The following PCSK7 variants were observed in gnomAD, a reference collection of about 807,000 sequenced individuals.
PCSK7 encodes the protein proprotein convertase subtilisin/kexin type 7.
In PCSK7, 38 loss-of-function variants were observed where a neutral mutation model predicts 73.3. The observed-to-expected ratio is 0.52, with a 90% confidence interval of 0.40 to 0.68. PCSK7 has a LOEUF of 0.68. Among genes scored for constraint, PCSK7 ranks in the 30% least tolerant of loss-of-function variants. The probability of loss-of-function intolerance (pLI) is 0.00; values close to 1 mark genes in which losing one functional copy is unlikely to be tolerated. For synonymous variants in PCSK7, 296 were observed against 383.8 expected, an observed-to-expected ratio of 0.77 and a Z score of 2.68; for missense variants, 692 against 991.5, an observed-to-expected ratio of 0.70 and a Z score of 4.06.
chr11:117,219,201 GC>G, intron 10 of PCSK7, 37 bp from the exon 11 acceptor site: 3 of 1,420,182 alleles, frequency 2.1e-6, no homozygotes, highest in Non-Finnish European at 2.9e-6. Context: ...CTCTTGCATT[GC>G]CAGTGTAGTC....
chr11:117,221,036 G>C (rs540170017), intron 9 of PCSK7: 2 of 152,228 alleles, frequency 1.3e-5, no homozygotes, highest in African/African-American at 2.4e-5. Context: ...TAGCTGAGGC[G>C]GGCCCTGCCT....
rs1374479236 is a variant in PCSK7, at chr11:117,229,425, C to T, written c.420G>A (p.Lys140=). ...TGGGGTCGTTGAAGTGGACGCTGCG[C>T]TTGGCCCGCCTTAGCAGCCTCTGCT... is the stretch of plus-strand genomic sequence containing the variant. ...HSEQRLLRRA[K]RSVHFNDPKY... Residue 140 remains lysine (K), a synonymous_variant, in exon 3 of 17, where the codon AAG becomes AAA. Coordinates refer to ENST00000320934, the MANE Select transcript of PCSK7 (RefSeq NM_004716.4). The T allele has an allele frequency of 2.9e-5, 47 of 1,609,516 alleles. No homozygotes were observed. Among genetic ancestry groups the T allele is most frequent in the Non-Finnish European group, 3.9e-5 (46 of 1,180,010 alleles).
rs2032090839 is a variant in PCSK7, at chr11:117,218,930, G to A, written c.1431+127C>T. The A allele has an allele frequency of 1.6e-6, 1 of 617,064 alleles. No homozygotes were observed. Among genetic ancestry groups the A allele is most frequent in the Non-Finnish European group, 2.8e-6 (1 of 353,060 alleles). The allele number at this position is 617,064 out of a possible 1,614,324, so 38.2% of individuals were successfully genotyped here. A position where few individuals can be genotyped will look rare whatever the true frequency, so the allele number is the denominator to read the frequency against. On this transcript the variant is annotated intron_variant, in intron 11 of 16. Transcript: ENST00000320934. The surrounding 1 kb of genome is among the most constrained non-coding windows in gnomAD (Gnocchi z 4.0). ...GATATCAGCTGGGATGAAGGTTGAA[G>A]TTGTTAAATCAATGAACTGAATGAA...
intron 7 of PCSK7, 126 bp downstream of exon 7, chr11:117,224,575 G>T: frequency 1.2e-6 from 1 of 824,392 alleles, no homozygotes; most frequent in Non-Finnish European, 2.1e-6. Context: ...GACGTTAGGT[G>T]TTCTCTTCCT....
intron 6 of PCSK7, 54 bp downstream of exon 6, chr11:117,225,877 G>C: frequency 1.7e-6 from 2 of 1,177,298 alleles, no homozygotes; most frequent in Non-Finnish European, 2.6e-6. Context: ...TTTGTTGGCG[G>C]ATTTGTCCCA....
At chr11:117,221,335 C>T (rs78628783) in intron 9 of PCSK7, 8,439 of 152,264 alleles carry the variant, frequency 0.055, 271 homozygotes, top group Middle Eastern at 0.1. Context: ...TGCAAGGGAG[C>T]GGGTTGATTT....
At chr11:117,227,345 T>C (rs1391423175) in intron 4 of PCSK7, 23 bp from the exon 5 acceptor site, 5 of 1,601,068 alleles carry the variant, frequency 3.1e-6, no homozygotes, top group Admixed American at 3.3e-5. Context: ...GGAGGTGACA[T>C]GTGGTCATTC....
At chr11:117,215,831 G>A (rs1300501587) in intron 12 of PCSK7, 1 of 151,516 alleles carries the variant, frequency 6.6e-6, no homozygotes, top group Non-Finnish European at 1.5e-5. Context: ...TGGGATTATA[G>A]GCTAGGTATG....
chr11:117,217,131 CCTT>C (rs1236130343), intron 12 of PCSK7: 3 of 152,214 alleles, frequency 2.0e-5, no homozygotes, highest in African/African-American at 7.2e-5. Flanking sequence ...GGCAATCTGT[CCTT>C]CTTTCTCTTA....
Position 117,218,421 on chromosome 11 carries a change from C to A in PCSK7, c.1534+45G>T. 9.0e-7 allele frequency: 1 copy of A among 1,116,086 alleles called. No individual in the cohort carries two copies. Among genetic ancestry groups the A allele is most frequent in the South Asian group, 1.6e-5 (1 of 62,796 alleles). 69.1% of individuals were successfully genotyped at this position (1,116,086 alleles called of 1,614,324 possible). A position where few individuals can be genotyped will look rare whatever the true frequency, so the allele number is the denominator to read the frequency against. ...GTTTAACTTCCTTGTCACCCGGCCC[C>A]AAACCTCAGGCCTAAGATTAACCCC... On this transcript the variant is annotated intron_variant, in intron 12 of 16. Coordinates refer to ENST00000320934, the MANE Select transcript of PCSK7 (RefSeq NM_004716.4). The surrounding 1 kb of genome is among the most constrained non-coding windows in gnomAD (Gnocchi z 4.0).
Position 117,224,182 on chromosome 11 carries a change from T to C in PCSK7, c.950A>G (p.Gln317Arg), listed in dbSNP as rs1412260266. The C allele has an allele frequency of 6.2e-7, 1 of 1,614,154 alleles. No individual in the cohort carries two copies. Among genetic ancestry groups the C allele is most frequent in the South Asian group, 1.1e-5 (1 of 91,086 alleles). ...ALQHGVIAGR[Q>R]GFGSIFVVAS... ...TACCACAAAGATGCTCCCAAAGCCCTGGCGACCAGCAATCACCCCATGTTG... is the reference window on the plus strand; with the variant it reads ...TACCACAAAGATGCTCCCAAAGCCCCGGCGACCAGCAATCACCCCATGTTG... The change falls in exon 8 of 17, where the codon CAG becomes CGG. Residue 317 changes from glutamine to arginine, a missense_variant. By Grantham distance (43) the Gln-to-Arg change is conservative (BLOSUM62 1). Coordinates refer to ENST00000320934, the MANE Select transcript of PCSK7 (RefSeq NM_004716.4).
At position 117,227,281 on chromosome 11, in the gene PCSK7, G is replaced by A. The variant is rs2032468847; in HGVS notation, c.645C>T (p.Asp215=). 1 of 1,613,640 alleles carries A rather than the reference G, an allele frequency of 6.2e-7. No individual in the cohort carries two copies. The highest frequency in any genetic ancestry group is 1.3e-5 in the African/African-American group (1 of 74,918). ...TCTCCACATCCGGGTGGGGCATGGG[G>A]TCAGGGTCATTAGAGTTGAGGTCAT... The part of the protein sequence containing the change: ...GSYDLNSNDP[D]PMPHPDVENG... The change falls in exon 5 of 17, where the codon GAC becomes GAT. Residue 215 remains aspartate, a synonymous_variant. Coordinates refer to ENST00000320934, the MANE Select transcript of PCSK7 (RefSeq NM_004716.4).
intron 7 of PCSK7, 141 bp from the exon 8 acceptor site, chr11:117,224,357 A>T: frequency 1.2e-6 from 1 of 810,640 alleles, no homozygotes; most frequent in Non-Finnish European, 2.0e-6. Flanking sequence ...AAAGATTGGA[A>T]GATGGACCCC....
intron 5 of PCSK7, 84 bp from the exon 6 acceptor site, chr11:117,226,105 G>A (rs1366093523): frequency 1.3e-6 from 1 of 795,594 alleles, no homozygotes; most frequent in Admixed American, 1.8e-5. Flanking sequence ...ATATGTGGGA[G>A]ACTTATTTTT....
intron 16 of PCSK7, 27 bp from the exon 17 acceptor site, chr11:117,206,383 A>C (rs1591784481): frequency 1.3e-6 from 2 of 1,586,838 alleles, no homozygotes; most frequent in East Asian, 4.5e-5. Context: ...CACCTACGTG[A>C]GGCACTGTTT....
rs1168639869 is a variant in PCSK7 at position 117,218,473 on chromosome 11, C to T, written c.1527G>A (p.Leu509=). Residue 509 remains leucine (L), a synonymous_variant, in exon 12 of 17, where the codon CTG becomes CTA. Transcript: ENST00000320934. This position sits in a 1 kb window ranked among gnomAD's most constrained non-coding sequence, Gnocchi z 4.0. ...IPQSPRSLEV[L]WNVSRMDLEM... ...TTTGTGCTGATTACTTACCATTCCA[C>T]AGGACCTCCAGGGAACGGGGGGACT... The T allele has an allele frequency of 2.5e-6, 4 of 1,590,656 alleles. No homozygotes were observed. The highest frequency in any genetic ancestry group is 1.1e-5 in the South Asian group (1 of 88,608).
intron 12 of PCSK7, chr11:117,216,640 G>A (rs2031997850): frequency 1.3e-5 from 2 of 151,892 alleles, no homozygotes; most frequent in Non-Finnish European, 2.9e-5. Flanking sequence ...ATGTTGGTCA[G>A]GTTGGTCTCA....
intron 1 of PCSK7, chr11:117,231,122 T>TCTGG (rs1291258672): frequency 4.0e-5 from 6 of 151,548 alleles, no homozygotes; most frequent in African/African-American, 1.5e-4. Flanking sequence ...AGGACATGTG[T>TCTGG]GTACCTATGG....
At chr11:117,228,014 G>C (rs1349286637) in intron 4 of PCSK7, among the ~76,000 whole-genome samples, 1 of 152,196 alleles carries the variant, frequency 6.6e-6, no homozygotes, top group African/African-American at 2.4e-5. Flanking sequence ...GACTAGAACT[G>C]AGAGCAGGAT....
Sources: gnomAD v4.1 joint callset for allele counts (sites outside exome capture counted in the v4.1 genomes callset) on GRCh38, gnomAD v4.1.1 for gene constraint, Gnocchi (gnomAD v3.1) non-coding constraint, MANE v1.5 for transcripts, NCBI Gene and HGNC (gene_info 2026-07-23, HGNC 2026-07-21) for gene names.